CPSF2: variants seen among roughly 807,000 people sequenced by gnomAD.
CPSF2 encodes cleavage and polyadenylation specific factor 2.
CPSF2 carries 51 observed loss-of-function variants against 84.2 expected under a neutral mutation model. That is an observed-to-expected ratio of 0.61 (90% CI 0.48 to 0.77). The LOEUF (loss-of-function observed/expected upper bound fraction) is 0.77, where lower values mean the gene tolerates loss of function less well. Ranked by LOEUF, CPSF2 falls within the 30% of genes least tolerant of loss-of-function variation. CPSF2 has a pLI of 0.00. For missense variants in CPSF2, 641 were observed against 929.4 expected (o/e 0.69, Z 4.03); for synonymous variants, 286 against 311.9 (o/e 0.92, Z 0.87).
Position 92,154,441 on chromosome 14 carries a change from G to A in CPSF2, c.1224G>A (p.Lys408=), listed in dbSNP as rs767065295. 3.7e-6 allele frequency: 6 copies of A among 1,605,706 alleles called. No homozygotes were observed. In the East Asian group the frequency reaches 1.3e-4, roughly 36 times the overall value. The stretch of plus-strand genomic sequence containing the variant: ...AACTAAAGAAAGAAGCTGCCAAAAA[G>A]CTTGAGCAGTCAAAAGAGTGAGTCA... ...KEKLKKEAAK[K]LEQSKEADID... is the part of the protein sequence containing the mutation. The change falls in exon 10 of 16, where the codon AAG becomes AAA. Residue 408 remains lysine, a synonymous_variant. Coordinates refer to ENST00000298875, the MANE Select transcript of CPSF2 (RefSeq NM_017437.3).
chr14:92,158,722 C>T (rs570184362), intron 13 of CPSF2, among the ~76,000 whole-genome samples: 36 of 152,186 alleles, frequency 2.4e-4, no homozygotes, highest in African/African-American at 6.7e-4. Context: ...CTGGATATGA[C>T]GCTCTGATAT....
rs1567026712 is a variant in CPSF2, at chr14:92,159,071, TGA to T, written c.1914_1915del (p.Arg638SerfsTer18). The T allele has an allele frequency of 6.2e-7, 1 of 1,614,036 alleles. No homozygotes were observed. The highest frequency in any genetic ancestry group is 1.3e-5 in the African/African-American group (1 of 75,028). On this transcript the variant is annotated frameshift_variant, in exon 14 of 16. Transcript: ENST00000298875. LOFTEE classifies it high-confidence loss of function. ...GCTTGGATAGATGGTGTCTTAGATA[TGA>T]GAGTTTCCAAAGTGGACACAGGGGT...
chr14:92,141,222 TA>T (rs201640592), intron 7 of CPSF2, among the ~76,000 whole-genome samples: 74 of 151,028 alleles, frequency 4.9e-4, no homozygotes, highest in African/African-American at 1.7e-3. Flanking sequence ...AAAATATAAG[TA>T]AAAAAAAACA....
chr14:92,156,730 T>TTCTTTAGTAAG, intron 12 of CPSF2, 99 bp downstream of exon 12: 1 of 808,876 alleles, frequency 1.2e-6, no homozygotes, highest in Non-Finnish European at 1.8e-6. Context: ...TTTCTGAATA[T>TTCTTTAGTAAG]TCTTTAGTAA....
chr14:92,155,114 T>C lies in CPSF2; in HGVS notation c.1242-9T>C, dbSNP rs1159173477. The stretch of plus-strand genomic sequence containing the variant: ...TTTATGACCTTGATCTATTCTAAAA[T>C]CCTCCTAGGGCAGATATAGATTCCA... On this transcript the variant is annotated splice_polypyrimidine_tract_variant and intron_variant, in intron 10 of 15. Coordinates refer to ENST00000298875, the MANE Select transcript of CPSF2 (RefSeq NM_017437.3). The C allele has an allele frequency of 1.9e-6, 3 of 1,598,040 alleles. No homozygotes were observed. The African/African-American group carries it at 4.0e-5, about 21-fold the overall frequency.
intron 2 of CPSF2, among the ~76,000 whole-genome samples, chr14:92,127,211 G>A (rs1424039082): frequency 2.0e-5 from 3 of 152,140 alleles, no homozygotes; most frequent in Admixed American, 6.5e-5. Context: ...AGCAATTAGA[G>A]AGCACTAAGT....
intron 9 of CPSF2, 49 bp from the exon 10 acceptor site, chr14:92,154,309 C>T: frequency 7.4e-7 from 1 of 1,345,896 alleles, no homozygotes; most frequent in East Asian, 2.3e-5. Flanking sequence ...GCTTTAACCC[C>T]CTAATATTAA....
chr14:92,150,031 T>C (rs913773648), intron 9 of CPSF2, among the ~76,000 whole-genome samples: 3 of 152,160 alleles, frequency 2.0e-5, no homozygotes, highest in African/African-American at 7.2e-5. Context: ...TGTACTAAAG[T>C]ACAATGGCTA....
intron 1 of CPSF2, among the ~76,000 whole-genome samples, chr14:92,124,774 A>C (rs1282532707): frequency 6.6e-6 from 1 of 152,242 alleles, no homozygotes; most frequent in Non-Finnish European, 1.5e-5. Context: ...TAAAATATTC[A>C]ACATGATTAC....
At position 92,164,565 on chromosome 14, in the gene CPSF2, C is replaced by G. The variant is rs1475295505; in HGVS notation, c.*2821C>G. 6.6e-6 allele frequency: 1 copy of G among 152,116 alleles called. No individual in the cohort carries two copies. Among genetic ancestry groups the G allele is most frequent in the Non-Finnish European group, 1.5e-5 (1 of 68,034 alleles). The allele number at this position is 152,116 out of a possible 1,614,324, so 9.4% of individuals were successfully genotyped here. A position where few individuals can be genotyped will look rare whatever the true frequency, so the allele number is the denominator to read the frequency against. On this transcript the variant is annotated 3_prime_UTR_variant, in exon 16 of 16. Transcript: ENST00000298875. The stretch of plus-strand genomic sequence containing the variant: ...TTTTCAGATCTTTGTTATTTAGAAG[C>G]AAGTATAGGTATAACGTGGACTATC...
At position 92,139,949 on chromosome 14, in the gene CPSF2, TA is replaced by T. The variant is rs1318339490; in HGVS notation, c.661+1603del. On this transcript the variant is annotated intron_variant, in intron 7 of 15. Coordinates refer to ENST00000298875, the MANE Select transcript of CPSF2 (RefSeq NM_017437.3). ...AGTTCATCTACTTTAAAAGTACAAC[TA>T]TTTTTTTTTTTTTTTTTTTTTTGAG... Among the ~76,000 whole-genome samples, 78 of 127,750 alleles carry T rather than the reference TA, an allele frequency of 6.1e-4. 2 individuals carry two copies. The South Asian group carries it at 7.7e-3, about 13-fold the overall frequency. 83.8% of individuals were successfully genotyped at this position (127,750 alleles called of 152,430 possible).
intron 2 of CPSF2, among the ~76,000 whole-genome samples, chr14:92,126,850 A>C (rs923972248): frequency 6.6e-6 from 1 of 152,166 alleles, no homozygotes; most frequent in Non-Finnish European, 1.5e-5. Flanking sequence ...ACTTACCAAC[A>C]GTTATTTATT....
intron 14 of CPSF2, 109 bp downstream of exon 14, chr14:92,159,391 C>T (rs893336849): frequency 2.1e-5 from 17 of 805,950 alleles, no homozygotes; most frequent in Non-Finnish European, 3.2e-5. Flanking sequence ...GTCTGTGGAA[C>T]CTTTTATATT....
chr14:92,147,421 G>C (rs1442456885), intron 9 of CPSF2, among the ~76,000 whole-genome samples: 1 of 152,192 alleles, frequency 6.6e-6, no homozygotes, highest in Non-Finnish European at 1.5e-5. Flanking sequence ...CGGTGAAGGA[G>C]TAGGAAGAAA....
chr14:92,142,579 A>G (rs1458908713), intron 8 of CPSF2, among the ~76,000 whole-genome samples: 1 of 152,208 alleles, frequency 6.6e-6, no homozygotes, highest in Non-Finnish European at 1.5e-5. Context: ...TTTAAAGATT[A>G]GGCAAATTGC....
At chr14:92,139,539 CTTTT>C (rs751552254) in intron 7 of CPSF2, among the ~76,000 whole-genome samples, 1 of 136,630 alleles carries the variant, frequency 7.3e-6, no homozygotes, top group Non-Finnish European at 1.6e-5. Flanking sequence ...ATCTTACATT[CTTTT>C]TTTTTTTTTT....
chr14:92,164,426 T>A lies in CPSF2; in HGVS notation c.*2682T>A, dbSNP rs2141488800. ...TCTCAAATGAAGACTTTGTTTTAGCTTCAATTACTTCAGAAAATATAAATT... is the reference window on the plus strand; with the variant it reads ...TCTCAAATGAAGACTTTGTTTTAGCATCAATTACTTCAGAAAATATAAATT... On this transcript the variant is annotated 3_prime_UTR_variant, in exon 16 of 16. Transcript: ENST00000298875. The A allele has an allele frequency of 6.6e-6, 1 of 152,322 alleles. No individual in the cohort carries two copies. The highest frequency in any genetic ancestry group is 2.4e-5 in the African/African-American group (1 of 41,574). The allele number at this position is 152,322 out of a possible 1,614,324, so 9.4% of individuals were successfully genotyped here. A position where few individuals can be genotyped will look rare whatever the true frequency, so the allele number is the denominator to read the frequency against.
chr14:92,123,880 T>A (rs535184357), intron 1 of CPSF2, among the ~76,000 whole-genome samples: 1 of 152,358 alleles, frequency 6.6e-6, no homozygotes, highest in South Asian at 2.1e-4. Context: ...ATGATCACTT[T>A]TACTCCTCTA....
At position 92,159,092 on chromosome 14, in the gene CPSF2, CAG is replaced by C. The variant is rs770646305; in HGVS notation, c.1932_1933del (p.Val646TyrfsTer10). 2.9e-5 allele frequency: 46 copies of C among 1,613,730 alleles called. No individual in the cohort carries two copies. The highest frequency in any genetic ancestry group is 4.4e-5 in the South Asian group (4 of 91,070). On this transcript the variant is annotated frameshift_variant, in exon 14 of 16. Coordinates refer to ENST00000298875, the MANE Select transcript of CPSF2 (RefSeq NM_017437.3). LOFTEE classifies it high-confidence loss of function. ...GATATGAGAGTTTCCAAAGTGGACA[CAG>C]GGGTTATTTTAGAAGAAGGAGAACT...
Sources: gnomAD v4.1 joint callset for allele counts (sites outside exome capture counted in the v4.1 genomes callset) on GRCh38, gnomAD v4.1.1 for gene constraint, MANE v1.5 for transcripts, NCBI Gene and HGNC (gene_info 2026-07-23, HGNC 2026-07-21) for gene names.